PCDHA10: variants seen among roughly 807,000 people sequenced by gnomAD.
PCDHA10 encodes the protein protocadherin alpha-10.
PCDHA10 carries 45 observed loss-of-function variants against 61.2 expected under a neutral mutation model. The ratio of observed to expected loss-of-function variants is 0.74; its 90% confidence interval spans 0.58 to 0.94. The LOEUF (loss-of-function observed/expected upper bound fraction) is 0.94, where lower values mean the gene tolerates loss of function less well. PCDHA10 is among the 40% of genes least tolerant of loss of function. The probability of loss-of-function intolerance (pLI) is 0.00; values close to 1 mark genes in which losing one functional copy is unlikely to be tolerated. For synonymous variants in PCDHA10, 602 were observed against 548.8 expected, an observed-to-expected ratio of 1.10 and a Z score of -1.35; for missense variants, 1,278 against 1,236.2, an observed-to-expected ratio of 1.03 and a Z score of -0.51.
chr5:140,877,582 A>G, intron 1 of PCDHA10: 1 of 1,613,772 alleles, frequency 6.2e-7, no homozygotes, highest in East Asian at 2.2e-5. Context: ...CATCATCGCC[A>G]TCTGTGCGGT....
intron 1 of PCDHA10, chr5:140,863,417 G>T (rs182048002): frequency 3.6e-5 from 25 of 701,046 alleles, no homozygotes; most frequent in South Asian, 3.2e-4. Flanking sequence ...CTGGTGTACC[G>T]CAGCGTAGTG....
intron 1 of PCDHA10, among the ~76,000 whole-genome samples, chr5:140,886,142 TA>T (rs1473876165): frequency 6.6e-6 from 1 of 152,180 alleles, no homozygotes; most frequent in African/African-American, 2.4e-5. Flanking sequence ...AGATTCTTGA[TA>T]TCACCTTTTT....
Position 140,857,154 on chromosome 5 carries a change from C to T in PCDHA10, c.1106C>T (p.Ala369Val), listed in dbSNP as rs147581214. The change falls in exon 1 of 4, where the codon GCC (alanine) becomes GTC (valine). Residue 369 changes from alanine to valine, a missense_variant. Physicochemically the swap from Ala to Val is moderately conservative, Grantham distance 64. Transcript: ENST00000307360. Reference protein sequence around the residue: ...KEDAQVGTVIALISVSDHDSG... With the variant: ...KEDAQVGTVIVLISVSDHDSG... ...GATGCTCAAGTGGGCACCGTCATTG[C>T]CCTAATCAGCGTTTCTGACCATGAT... The T allele has an allele frequency of 4.4e-6, 7 of 1,598,342 alleles. No homozygotes were observed. Among genetic ancestry groups the T allele is most frequent in the Non-Finnish European group, 6.0e-6 (7 of 1,167,794 alleles).
chr5:141,010,545 A>G lies in PCDHA10; in HGVS notation c.*608A>G. On this transcript the variant is annotated 3_prime_UTR_variant, in exon 4 of 4. Coordinates refer to ENST00000307360, the MANE Select transcript of PCDHA10 (RefSeq NM_018901.4). ...GGTGGCAGCCACCCTCTAGGAGACAAAACTACCCCCACTGACAAGGCTTTA... is the reference window on the plus strand; with the variant it reads ...GGTGGCAGCCACCCTCTAGGAGACAGAACTACCCCCACTGACAAGGCTTTA... 1 of 343,382 alleles carries G rather than the reference A, an allele frequency of 2.9e-6. No individual in the cohort carries two copies. 21.3% of individuals were successfully genotyped at this position (343,382 alleles called of 1,614,324 possible).
chr5:140,968,979 G>A (rs782482075), intron 1 of PCDHA10: 6 of 1,614,042 alleles, frequency 3.7e-6, no homozygotes, highest in South Asian at 3.3e-5. Context: ...ACTGCGTATG[G>A]CACTGCATGC....
rs781798552 is a variant in PCDHA10, at chr5:140,856,082, T to C, written c.34T>C (p.Cys12Arg). 11 of 1,594,900 alleles carry C rather than the reference T, an allele frequency of 6.9e-6. No individual in the cohort carries two copies. The highest frequency in any genetic ancestry group is 8.6e-6 in the Non-Finnish European group (10 of 1,165,508). ...VSRCSCLGVQ[C>R]LLLSLLLLAA... ...CAGATGTAGCTGCCTGGGGGTCCAG[T>C]GTCTGCTGCTCTCGCTTCTTCTCCT... Residue 12 changes from cysteine (C) to arginine (R), a missense_variant, in exon 1 of 4, where the codon TGT becomes CGT. Cys to Arg is a radical substitution (Grantham distance 180). Transcript: ENST00000307360.
chr5:140,946,405 T>C (rs1554217546), intron 1 of PCDHA10, among the ~76,000 whole-genome samples: 1 of 151,592 alleles, frequency 6.6e-6, no homozygotes, highest in South Asian at 2.1e-4. Context: ...AGTACAATCA[T>C]AGAAAACAAT....
chr5:140,968,715 A>G, intron 1 of PCDHA10: 1 of 1,614,132 alleles, frequency 6.2e-7, no homozygotes, highest in Non-Finnish European at 8.5e-7. Context: ...AAGATGGGAG[A>G]TGAGAGTGGT....
chr5:140,908,270 G>A (rs1554193271), intron 1 of PCDHA10, among the ~76,000 whole-genome samples: 1 of 152,154 alleles, frequency 6.6e-6, no homozygotes, highest in African/African-American at 2.4e-5. Context: ...AACTCCCCAT[G>A]AGGCCATTGT....
chr5:140,877,089 C>T (rs782771217), intron 1 of PCDHA10: 4 of 1,613,082 alleles, frequency 2.5e-6, no homozygotes, highest in African/African-American at 1.3e-5. Flanking sequence ...GCGCGCGCGA[C>T]GCCGGCGTGC....
chr5:140,882,382 A>G (rs782774831), intron 1 of PCDHA10: 5 of 1,614,092 alleles, frequency 3.1e-6, no homozygotes, highest in Non-Finnish European at 4.2e-6. Context: ...TCCCCGAGGA[A>G]GCAAAACACG....
At chr5:140,979,051 G>C in intron 2 of PCDHA10, 44 bp downstream of exon 2, 1 of 1,609,534 alleles carries the variant, frequency 6.2e-7, no homozygotes, top group East Asian at 2.2e-5. Flanking sequence ...ACCTTAACTT[G>C]GTATGGCTCA....
At chr5:140,867,449 G>A (rs1423382267) in intron 1 of PCDHA10, 3 of 152,036 alleles carry the variant, frequency 2.0e-5, no homozygotes, top group African/African-American at 7.2e-5. Context: ...CTGAATTAGA[G>A]TTCTAGTGTT....
In PCDHA10 at chr5:141,009,694, A is replaced by G. The variant is rs782798367; in HGVS notation, c.2604A>G (p.Lys868=). The part of the protein sequence containing the change: ...AGVNSNSWTF[K]YGPGNPKQSG... ...TCAACAGCAACAGCTGGACCTTTAA[A>G]TACGGACCAGGCAACCCCAAACAAT... is the stretch of plus-strand genomic sequence containing the variant. The change falls in exon 4 of 4, where the codon AAA becomes AAG. Residue 868 remains lysine (K), a synonymous_variant. Transcript: ENST00000307360. 5 of 1,613,890 alleles carry G rather than the reference A, an allele frequency of 3.1e-6. No homozygotes were observed. In the Admixed American group the frequency reaches 6.7e-5, roughly 22 times the overall value.
chr5:141,009,562 C>G lies in PCDHA10; in HGVS notation c.2537-65C>G, dbSNP rs1469033090. On this transcript the variant is annotated intron_variant, in intron 3 of 3. Transcript: ENST00000307360. ...GCCTATGCAGTACTCCTGTACTCTA[C>G]CAGCAGTGTGGCATCAAGAGCATGT... The G allele has an allele frequency of 2.5e-6, 4 of 1,571,226 alleles. No individual in the cohort carries two copies. In the African/African-American group the frequency reaches 5.4e-5, roughly 21 times the overall value.
intron 1 of PCDHA10, among the ~76,000 whole-genome samples, chr5:140,909,749 C>T (rs141984152): frequency 6.6e-6 from 1 of 152,114 alleles, no homozygotes; most frequent in African/African-American, 2.4e-5. Context: ...GGGGAAATGA[C>T]CACAGGATGA....
chr5:140,961,028 C>T (rs889602727), intron 1 of PCDHA10, among the ~76,000 whole-genome samples: 2 of 152,146 alleles, frequency 1.3e-5, no homozygotes, highest in African/African-American at 4.8e-5. Context: ...TTGCTACCTC[C>T]TTGTTTTGAG....
intron 1 of PCDHA10, among the ~76,000 whole-genome samples, chr5:140,880,233 T>A (rs1040125802): frequency 6.6e-6 from 1 of 152,046 alleles, no homozygotes; most frequent in African/African-American, 2.4e-5. Flanking sequence ...TTTAAATTAG[T>A]GTATGTGCGT....
intron 1 of PCDHA10, among the ~76,000 whole-genome samples, chr5:140,950,903 T>C (rs2094530592): frequency 6.6e-6 from 1 of 152,024 alleles, no homozygotes; most frequent in South Asian, 2.1e-4. Context: ...TTTATTTTAT[T>C]TTTATTTTAT....
Sources: gnomAD v4.1 joint callset for allele counts (sites outside exome capture counted in the v4.1 genomes callset) on GRCh38, gnomAD v4.1.1 for gene constraint, MANE v1.5 for transcripts, NCBI Gene and HGNC (gene_info 2026-07-23, HGNC 2026-07-21) for gene names.